The following TM2D3 variants were observed in gnomAD, a reference collection of about 807,000 sequenced individuals.
TM2D3 encodes the protein TM2 domain containing 3, also known as TM2 domain-containing protein 3.
A neutral mutation model predicts 27.3 loss-of-function variants in TM2D3; 33 were observed. The observed-to-expected ratio is 1.21, with a 90% CI of 0.92 to 1.61. TM2D3 has a LOEUF of 1.61. Among genes scored for constraint, TM2D3 ranks in the 40% most tolerant of loss-of-function variants. TM2D3 has a pLI of 0.00. For synonymous variants in TM2D3, 138 were observed against 122.2 expected, an observed-to-expected ratio of 1.13 and a Z score of -0.85; for missense variants, 364 against 320.8, an observed-to-expected ratio of 1.13 and a Z score of -1.03.
In TM2D3 at chr15:101,642,408, ACAC is replaced by A. The variant is rs1324604830; in HGVS notation, c.*68_*70del. On this transcript the variant is annotated 3_prime_UTR_variant, in exon 6 of 6. Transcript: ENST00000333202. ...TTAAAAACATAGAAATATATCACTC[ACAC>A]CACATCAACTCCTACGGACAAAAGG... The A allele has an allele frequency of 2.7e-6, 4 of 1,472,246 alleles. No individual in the cohort carries two copies. Among genetic ancestry groups the A allele is most frequent in the Non-Finnish European group, 3.6e-6 (4 of 1,107,564 alleles). The allele number at this position is 1,472,246 out of a possible 1,614,324, so 91.2% of individuals were successfully genotyped here.
chr15:101,646,802 G>A lies in TM2D3; in HGVS notation c.425C>T (p.Thr142Ile), dbSNP rs1896824425. The change falls in exon 4 of 6, where the codon ACC (threonine) becomes ATC (isoleucine). Residue 142 changes from threonine to isoleucine, a missense_variant. By Grantham distance (89) the Thr-to-Ile change is moderately conservative (BLOSUM62 -1). Transcript: ENST00000333202. ...PETDYECTNS[T>I]SCMTVSCPRQ... The stretch of plus-strand genomic sequence containing the variant: ...AGGACAGGACACCGTCATGCAGCTG[G>A]TGGAGTTGGTACACTCGTAATCTGT... 1 of 1,614,082 alleles carries A rather than the reference G, an allele frequency of 6.2e-7. No individual in the cohort carries two copies. Among genetic ancestry groups the A allele is most frequent in the Non-Finnish European group, 8.5e-7 (1 of 1,180,038 alleles).
chr15:101,635,424 G>A (rs1896531292), intron 4 of TM2D3: 1 of 152,162 alleles, frequency 6.6e-6, no homozygotes, highest in African/African-American at 2.4e-5. Flanking sequence ...ATCACAGCCT[G>A]GCTACTATCA....
chr15:101,648,717 C>T (rs1285143398), intron 3 of TM2D3, among the ~76,000 whole-genome samples: 2 of 152,188 alleles, frequency 1.3e-5, no homozygotes, highest in Non-Finnish European at 2.9e-5. Flanking sequence ...CTAGAGCTGC[C>T]TAGTTCTTTT....
At chr15:101,633,148 G>C (rs1896485183) in exon 5 of TM2D3, 1 of 152,178 alleles carries the variant, frequency 6.6e-6, no homozygotes, top group Non-Finnish European at 1.5e-5. Context: ...GTTACCAGCA[G>C]AACTGCCTTA....
At chr15:101,648,564 C>T (rs958831418) in intron 3 of TM2D3, among the ~76,000 whole-genome samples, 4 of 152,186 alleles carry the variant, frequency 2.6e-5, no homozygotes, top group African/African-American at 4.8e-5. Context: ...GCCCAGCCGC[C>T]GGGAGCCCCT....
downstream of TM2D3, among the ~76,000 whole-genome samples, chr15:101,637,937 C>T (rs934099600): frequency 6.6e-6 from 1 of 152,188 alleles, no homozygotes; most frequent in Non-Finnish European, 1.5e-5. Context: ...TTCTATTCTA[C>T]ATTCCGTGCC....
intron 3 of TM2D3, 87 bp downstream of exon 3, chr15:101,649,917 T>C: frequency 7.8e-7 from 1 of 1,282,704 alleles, no homozygotes; most frequent in Non-Finnish European, 1.1e-6. Flanking sequence ...TTCTTCAGAA[T>C]TTCTTCCCAA....
intron 4 of TM2D3, 33 bp from the exon 5 acceptor site, chr15:101,645,195 T>C (rs1361542779): frequency 6.6e-7 from 1 of 1,520,566 alleles, no homozygotes; most frequent in Admixed American, 2.1e-5. Flanking sequence ...AAATACAGGG[T>C]ATAAAAAATA....
At chr15:101,634,580 A>G (rs1896516217) in intron 4 of TM2D3, 1 of 152,254 alleles carries the variant, frequency 6.6e-6, no homozygotes, top group Admixed American at 6.5e-5. Context: ...GAAAAATACT[A>G]TCAAGCAAAT....
chr15:101,646,379 G>T, intron 4 of TM2D3: 1 of 107,834 alleles, frequency 9.3e-6, no homozygotes, highest in Non-Finnish European at 2.4e-5. Flanking sequence ...CTTGGAAGAG[G>T]AGGAAAGGCA....
downstream of TM2D3, among the ~76,000 whole-genome samples, chr15:101,638,672 A>AT (rs535486557): frequency 4.6e-5 from 7 of 151,708 alleles, no homozygotes; most frequent in Admixed American, 6.6e-5. Flanking sequence ...CTGAGCAATA[A>AT]TTTTTTTTCC....
chr15:101,651,887 C>A, intron 1 of TM2D3, 114 bp from the exon 2 acceptor site: 3 of 1,064,222 alleles, frequency 2.8e-6, no homozygotes, highest in Admixed American at 1.8e-5. Context: ...CTCATGAAAA[C>A]CTCACGGCTG....
At position 101,646,901 on chromosome 15, in the gene TM2D3, T is replaced by C. The variant is rs1344642184; in HGVS notation, c.328-2A>G. 1.2e-6 allele frequency: 2 copies of C among 1,614,070 alleles called. No homozygotes were observed. The highest frequency in any genetic ancestry group is 4.5e-5 in the East Asian group (2 of 44,890). On this transcript the variant is annotated splice_acceptor_variant, in intron 3 of 5. Transcript: ENST00000333202. LOFTEE classifies it high-confidence loss of function. Reference sequence around the variant, plus strand: ...CTTTTGGGATTTGAAGTCTTGATCCTATGTAGCAAATGACACAAAACTCAT... The same window carrying C: ...CTTTTGGGATTTGAAGTCTTGATCCCATGTAGCAAATGACACAAAACTCAT...
chr15:101,651,284 AT>A (rs1896960438), intron 2 of TM2D3: 1 of 162,256 alleles, frequency 6.2e-6, no homozygotes, highest in South Asian at 1.5e-4. Context: ...CCAGATCTAG[AT>A]TTCAAGTCTC....
intron 4 of TM2D3, chr15:101,646,391 C>T: frequency 9.4e-6 from 1 of 106,572 alleles, no homozygotes; most frequent in Non-Finnish European, 2.4e-5. Context: ...GGAAAGGCAA[C>T]CAGGTGAAGG....
rs762035555 is a variant in TM2D3, at chr15:101,652,234, C to T, written c.91+37G>A. 2.5e-6 allele frequency: 4 copies of T among 1,576,376 alleles called. No homozygotes were observed. The Admixed American group carries it at 5.1e-5, about 20-fold the overall frequency. On this transcript the variant is annotated intron_variant, in intron 1 of 5. Transcript: ENST00000333202. ...CAGCTCCCGGGGCCCTGCTGCCACT[C>T]AGCCCCACCCGGCGCTGAACCCAGC...
intron 5 of TM2D3, among the ~76,000 whole-genome samples, chr15:101,643,418 C>T (rs551790054): frequency 7.0e-4 from 106 of 151,792 alleles, no homozygotes; most frequent in African/African-American, 2.1e-3. Context: ...CTGGCTAACA[C>T]GGTGAAACCC....
At chr15:101,636,075 A>C (rs1896544579) in intron 4 of TM2D3, 1 of 151,780 alleles carries the variant, frequency 6.6e-6, no homozygotes, top group South Asian at 2.1e-4. Context: ...AGGTTTATTC[A>C]CCTTATGGTG....
At chr15:101,637,474 G>C (rs534985517), downstream of TM2D3, among the ~76,000 whole-genome samples, 6 of 152,318 alleles carry the variant, frequency 3.9e-5, no homozygotes, top group Middle Eastern at 0.01. Flanking sequence ...CATATTTGGG[G>C]TTAAAATATT....
Sources: allele counts gnomAD v4.1 joint callset (sites outside exome capture counted in the v4.1 genomes callset), GRCh38; gene constraint gnomAD v4.1.1; transcripts MANE v1.5; gene names NCBI Gene and HGNC (gene_info 2026-07-23, HGNC 2026-07-21).